Variants in CHST9 observed in about 807,000 individuals in gnomAD.
CHST9 encodes the protein carbohydrate sulfotransferase 9, also known as GalNAc-4-sulfotransferase 2.
A neutral mutation model predicts 44.4 loss-of-function variants in CHST9; 41 were observed. The observed-to-expected ratio is 0.92, with a 90% CI of 0.72 to 1.20. The LOEUF is 1.20. CHST9 is among the 50% of genes most tolerant of loss of function. The pLI is 0.00. For missense variants in CHST9, 504 were observed against 516.5 expected (o/e 0.98, Z 0.23); for synonymous variants, 171 against 178.4 (o/e 0.96, Z 0.33).
intron 3 of CHST9, among the ~76,000 whole-genome samples, chr18:27,030,938 A>T (rs1057241390): frequency 6.7e-6 from 1 of 150,374 alleles, no homozygotes; most frequent in African/African-American, 2.4e-5. Context: ...CAAACAAACA[A>T]GCTCTTCATT....
At chr18:27,099,607 G>A (rs11874236) in intron 2 of CHST9, among the ~76,000 whole-genome samples, 1,698 of 152,042 alleles carry the variant, frequency 0.011, 29 homozygotes, top group African/African-American at 0.038. Flanking sequence ...AAACATGTGA[G>A]AAAATGTTCC....
chr18:27,033,192 G>C (rs2057358523), intron 3 of CHST9, among the ~76,000 whole-genome samples: 1 of 152,198 alleles, frequency 6.6e-6, no homozygotes. Flanking sequence ...CTTGGAGTCA[G>C]AATGAGGTTT....
chr18:27,114,932 G>A (rs771149528), intron 2 of CHST9, among the ~76,000 whole-genome samples: 1 of 152,064 alleles, frequency 6.6e-6, no homozygotes, highest in African/African-American at 2.4e-5. Flanking sequence ...TAATCCCCAC[G>A]TGTCAAGGAT....
chr18:27,125,086 C>A (rs1255446374), intron 2 of CHST9, among the ~76,000 whole-genome samples: 2 of 152,092 alleles, frequency 1.3e-5, no homozygotes, highest in African/African-American at 2.4e-5. Context: ...AGGATTTTTT[C>A]TTTGTGCTAC....
At chr18:27,022,526 T>C (rs2057238383) in intron 4 of CHST9, among the ~76,000 whole-genome samples, 1 of 152,254 alleles carries the variant, frequency 6.6e-6, no homozygotes, top group Non-Finnish European at 1.5e-5. Flanking sequence ...GTATCTTTTC[T>C]TGGTAATATA....
intron 2 of CHST9, among the ~76,000 whole-genome samples, chr18:27,083,324 T>A (rs1362690616): frequency 6.6e-6 from 1 of 152,148 alleles, no homozygotes; most frequent in Non-Finnish European, 1.5e-5. Flanking sequence ...TATGTTGCCA[T>A]TAATTGTTTA....
intron 1 of CHST9, among the ~76,000 whole-genome samples, chr18:27,167,757 G>A (rs1201206045): frequency 3.3e-5 from 5 of 152,198 alleles, no homozygotes; most frequent in Non-Finnish European, 7.3e-5. Context: ...TTGGTCAGAG[G>A]AAGTATCTTT....
chr18:26,949,372 C>A (rs12956514), intron 4 of CHST9, among the ~76,000 whole-genome samples: 1 of 151,812 alleles, frequency 6.6e-6, no homozygotes, highest in Non-Finnish European at 1.5e-5. Context: ...TACAGCAAGA[C>A]CTCATCTCTA....
rs2056622346 is a variant in CHST9, at chr18:26,976,210, C to T, written c.203-31844G>A. On this transcript the variant is annotated intron_variant, in intron 4 of 5. Coordinates refer to ENST00000618847, the MANE Select transcript of CHST9 (RefSeq NM_031422.6). ...ATTCTTAGGACAAATGGAATCATTC[C>T]AGAACCTTCTTTGAAATCAGAATCA... is the stretch of plus-strand genomic sequence containing the variant. Among the ~76,000 whole-genome samples the T allele has an allele frequency of 2.0e-5, 3 of 152,004 alleles. No individual in the cohort carries two copies. The Admixed American group carries it at 2.0e-4, about 10-fold the overall frequency.
intron 3 of CHST9, among the ~76,000 whole-genome samples, chr18:27,042,973 C>T (rs939496479): frequency 5.9e-5 from 9 of 152,034 alleles, no homozygotes; most frequent in Non-Finnish European, 1.2e-4. Flanking sequence ...TATCTCCCTG[C>T]AACTCCAATA....
intron 5 of CHST9, among the ~76,000 whole-genome samples, chr18:26,939,469 C>G (rs2056049281): frequency 6.6e-6 from 1 of 152,216 alleles, no homozygotes. Context: ...GTATGGCTTT[C>G]CATCAGAATC....
At chr18:27,111,315 G>A (rs2058268924) in intron 2 of CHST9, among the ~76,000 whole-genome samples, 1 of 152,194 alleles carries the variant, frequency 6.6e-6, no homozygotes, top group East Asian at 1.9e-4. Flanking sequence ...CAGATAATTA[G>A]TGCATACATT....
At chr18:27,021,451 C>T (rs7237212) in intron 4 of CHST9, among the ~76,000 whole-genome samples, 18,711 of 152,084 alleles carry the variant, frequency 0.12, 2,523 homozygotes, top group African/African-American at 0.34. Context: ...CACTGGCCAA[C>T]GTTTCCAATT....
chr18:27,043,928 C>T (rs1048150767), intron 3 of CHST9, among the ~76,000 whole-genome samples: 7 of 152,170 alleles, frequency 4.6e-5, no homozygotes, highest in Admixed American at 3.9e-4. Flanking sequence ...TATTAAATCA[C>T]TAAGCTTTCC....
intron 1 of CHST9, among the ~76,000 whole-genome samples, chr18:27,155,889 C>T (rs928094723): frequency 6.6e-6 from 1 of 151,716 alleles, no homozygotes; most frequent in African/African-American, 2.4e-5. Context: ...ATGCATCCAC[C>T]GGTAAAATGG....
chr18:27,092,409 G>GT (rs561100895), intron 2 of CHST9, among the ~76,000 whole-genome samples: 4,137 of 150,528 alleles, frequency 0.027, 171 homozygotes, highest in African/African-American at 0.093. Context: ...TGGATTCATT[G>GT]TTTTTTTTTG....
At chr18:27,085,803 A>G (rs1435229643) in intron 2 of CHST9, among the ~76,000 whole-genome samples, 1 of 152,196 alleles carries the variant, frequency 6.6e-6, no homozygotes, top group Non-Finnish European at 1.5e-5. Flanking sequence ...CTTCTACCAT[A>G]AAGACACATG....
chr18:26,971,512 G>C (rs1212245279), intron 4 of CHST9, among the ~76,000 whole-genome samples: 2 of 152,158 alleles, frequency 1.3e-5, no homozygotes, highest in Non-Finnish European at 2.9e-5. Flanking sequence ...TAAAAGGAAA[G>C]GTTTATTCAT....
chr18:26,914,421 G>A lies in CHST9; in HGVS notation c.*1838C>T, dbSNP rs1000534106. 2.6e-5 allele frequency: 4 copies of A among 152,218 alleles called. No individual in the cohort carries two copies. Among genetic ancestry groups the A allele is most frequent in the African/African-American group, 9.7e-5 (4 of 41,442 alleles). 9.4% of individuals were successfully genotyped at this position (152,218 alleles called of 1,614,324 possible). ...TTTTTATTTTCTCTCTCCATAAAAA[G>A]ATAATTTCAATTTCCCTAAATTACT... On this transcript the variant is annotated 3_prime_UTR_variant, in exon 6 of 6. Coordinates refer to ENST00000618847, the MANE Select transcript of CHST9 (RefSeq NM_031422.6).
Sources: gnomAD v4.1 joint callset for allele counts (sites outside exome capture counted in the v4.1 genomes callset) on GRCh38, gnomAD v4.1.1 for gene constraint, MANE v1.5 for transcripts, NCBI Gene and HGNC (gene_info 2026-07-23, HGNC 2026-07-21) for gene names.